ZC3H12B: variants seen among roughly 807,000 people sequenced by gnomAD.
The protein encoded by ZC3H12B is probable ribonuclease ZC3H12B.
In ZC3H12B, 7 loss-of-function variants were observed where a neutral mutation model predicts 43.9. The ratio of observed to expected loss-of-function variants is 0.16; its 90% CI spans 0.09 to 0.30. The LOEUF (loss-of-function observed/expected upper bound fraction) is 0.30, where lower values mean the gene tolerates loss of function less well. Ranked by LOEUF, ZC3H12B falls within the 10% of genes least tolerant of loss-of-function variation. The probability of loss-of-function intolerance (pLI) is 1.00; values close to 1 mark genes in which losing one functional copy is unlikely to be tolerated. For missense variants in ZC3H12B, 475 were observed against 670.2 expected (o/e 0.71, Z 3.22); for synonymous variants, 222 against 241.7 (o/e 0.92, Z 0.76).
the ZC3H12B span, among the ~76,000 whole-genome samples, chrX:65,213,814 G>C: frequency 9.2e-6 from 1 of 108,830 alleles, no homozygotes; most frequent in Non-Finnish European, 1.9e-5. Flanking sequence ...GGATATTGCA[G>C]GTTTGGTTTC....
At chrX:65,367,974 G>A (rs1315860745) in intron 1 of ZC3H12B, among the ~76,000 whole-genome samples, 1 of 111,242 alleles carries the variant, frequency 9.0e-6, no homozygotes, top group Admixed American at 9.6e-5. Flanking sequence ...AGAATAATAA[G>A]ACCCTCCACA....
At chrX:65,098,051 G>A in the ZC3H12B span, among the ~76,000 whole-genome samples, 1 of 111,207 alleles carries the variant, frequency 9.0e-6, no homozygotes, top group Non-Finnish European at 1.9e-5. Flanking sequence ...TTTTTATCAG[G>A]ATCCTTTAAA....
chrX:65,472,825 G>GATAT (rs58372328), intron 3 of ZC3H12B, among the ~76,000 whole-genome samples: 1,825 of 31,471 alleles, frequency 0.058, 64 homozygotes, highest in East Asian at 0.084. Flanking sequence ...CCATACCTTT[G>GATAT]ATATATATAT....
At chrX:65,243,521 G>A in the ZC3H12B span, among the ~76,000 whole-genome samples, 56 of 111,919 alleles carry the variant, frequency 5.0e-4, no homozygotes, top group African/African-American at 1.6e-3. Context: ...ATTCTTTGTG[G>A]GAATGTAAAT....
chrX:65,086,891 C>T, the ZC3H12B span, among the ~76,000 whole-genome samples: 2 of 111,821 alleles, frequency 1.8e-5, no homozygotes, highest in South Asian at 3.7e-4. Context: ...GCATCCTAAG[C>T]TTGTTTCAGC....
At chrX:65,120,306 A>G in the ZC3H12B span, among the ~76,000 whole-genome samples, 8 of 111,387 alleles carry the variant, frequency 7.2e-5, no homozygotes, top group Non-Finnish European at 1.3e-4. Flanking sequence ...ATTTGTTTGT[A>G]TCCTCTTTTA....
chrX:65,217,613 T>TA, the ZC3H12B span, among the ~76,000 whole-genome samples: 2 of 112,213 alleles, frequency 1.8e-5, no homozygotes, highest in Admixed American at 9.5e-5. Flanking sequence ...ACAAAGATAT[T>TA]AAAATAATTT....
chrX:65,252,562 A>T, the ZC3H12B span, among the ~76,000 whole-genome samples: 1 of 111,869 alleles, frequency 8.9e-6, no homozygotes, highest in Non-Finnish European at 1.9e-5. Flanking sequence ...TCCAAAGGTC[A>T]AACATCAAGC....
chrX:65,184,253 T>C, the ZC3H12B span, among the ~76,000 whole-genome samples: 1 of 111,507 alleles, frequency 9.0e-6, no homozygotes, highest in Non-Finnish European at 1.9e-5. Context: ...ATTTTTTTTG[T>C]TTTCTCAACC....
the ZC3H12B span, among the ~76,000 whole-genome samples, chrX:65,281,549 A>G: frequency 5.3e-5 from 6 of 112,352 alleles, no homozygotes; most frequent in Non-Finnish European, 1.1e-4. Flanking sequence ...GTCTTTGACA[A>G]ATGTTTCACA....
At chrX:65,211,011 G>A in the ZC3H12B span, among the ~76,000 whole-genome samples, 1 of 59,856 alleles carries the variant, frequency 1.7e-5, no homozygotes, top group Non-Finnish European at 2.8e-5. Context: ...CATGGCACAT[G>A]TATACATATG....
the ZC3H12B span, among the ~76,000 whole-genome samples, chrX:65,240,259 G>T: frequency 9.0e-6 from 1 of 111,483 alleles, no homozygotes; most frequent in African/African-American, 3.3e-5. Flanking sequence ...TTTTTTGGAG[G>T]TTTAGTTTGT....
At chrX:65,221,734 G>C in the ZC3H12B span, among the ~76,000 whole-genome samples, 1 of 110,681 alleles carries the variant, frequency 9.0e-6, no homozygotes, top group Non-Finnish European at 1.9e-5. Context: ...TCCAGGACTA[G>C]ATGGATTCAC....
the ZC3H12B span, among the ~76,000 whole-genome samples, chrX:65,139,238 C>A: frequency 8.9e-6 from 1 of 112,141 alleles, no homozygotes; most frequent in Non-Finnish European, 1.9e-5. Context: ...ATCTTTAAAT[C>A]TTTAATCCAT....
chrX:65,209,687 C>T, the ZC3H12B span, among the ~76,000 whole-genome samples: 1 of 109,984 alleles, frequency 9.1e-6, no homozygotes, highest in Non-Finnish European at 1.9e-5. Flanking sequence ...GCTACAGTAA[C>T]CAAAACAGCA....
At chrX:65,457,548 A>G (rs1401943507) in intron 3 of ZC3H12B, among the ~76,000 whole-genome samples, 4 of 86,161 alleles carry the variant, frequency 4.6e-5, no homozygotes, top group Non-Finnish European at 8.0e-5. Flanking sequence ...CCCGGCCACG[A>G]CCCCGTCTGG....
intron 3 of ZC3H12B, among the ~76,000 whole-genome samples, chrX:65,467,683 G>A (rs993669965): frequency 2.7e-5 from 3 of 111,740 alleles, no homozygotes; most frequent in African/African-American, 9.7e-5. Flanking sequence ...ATTTTAATTT[G>A]AATTTCCTTG....
chrX:65,207,475 G>A, the ZC3H12B span, among the ~76,000 whole-genome samples: 1 of 110,550 alleles, frequency 9.0e-6, no homozygotes, highest in African/African-American at 3.3e-5. Context: ...GCACTTAAAG[G>A]GCTGAAGGAA....
At chrX:65,237,594 T>A in the ZC3H12B span, among the ~76,000 whole-genome samples, 2 of 109,977 alleles carry the variant, frequency 1.8e-5, no homozygotes, top group Admixed American at 9.8e-5. Context: ...AACTTGCAAT[T>A]CTGTATCGAA....
Sources: allele counts gnomAD v4.1 joint callset (sites outside exome capture counted in the v4.1 genomes callset), GRCh38; gene constraint gnomAD v4.1.1; transcripts MANE v1.5; gene names NCBI Gene and HGNC (gene_info 2026-07-23, HGNC 2026-07-21).